DAB1: variants seen among roughly 807,000 people sequenced by gnomAD.
DAB1 encodes disabled homolog 1.
In DAB1, 15 loss-of-function variants were observed where a neutral mutation model predicts 64.6. The ratio of observed to expected loss-of-function variants is 0.23; its 90% confidence interval spans 0.16 to 0.36. DAB1 has a LOEUF of 0.36. Ranked by LOEUF, DAB1 falls within the 10% of genes least tolerant of loss-of-function variation. The probability of loss-of-function intolerance (pLI) is 1.00; values close to 1 mark genes in which losing one functional copy is unlikely to be tolerated. For synonymous variants in DAB1, 235 were observed against 251.9 expected, an observed-to-expected ratio of 0.93 and a Z score of 0.64; for missense variants, 596 against 706.7, an observed-to-expected ratio of 0.84 and a Z score of 1.78.
At chr1:58,465,892 G>C (rs2100320870) in intron 3 of DAB1, among the ~76,000 whole-genome samples, 1 of 152,242 alleles carries the variant, frequency 6.6e-6, no homozygotes, top group Non-Finnish European at 1.5e-5. Flanking sequence ...GTGAAGCTGT[G>C]TCCCTCACCA....
At chr1:57,827,948 G>T (rs1490246702) in intron 1 of DAB1, among the ~76,000 whole-genome samples, 5 of 152,138 alleles carry the variant, frequency 3.3e-5, no homozygotes, top group African/African-American at 1.2e-4. Context: ...ATCTTTGTTT[G>T]TTTGTTTTTG....
At chr1:58,107,260 A>G (rs1651701739) in intron 5 of DAB1, among the ~76,000 whole-genome samples, 1 of 150,154 alleles carries the variant, frequency 6.7e-6, no homozygotes, top group African/African-American at 2.5e-5. Flanking sequence ...GGAGTTTGAG[A>G]TCAGCTTGGC....
intron 1 of DAB1, among the ~76,000 whole-genome samples, chr1:57,391,137 C>T (rs1682317678): frequency 6.6e-6 from 1 of 152,180 alleles, no homozygotes; most frequent in Admixed American, 6.5e-5. Context: ...TAGCACAGTG[C>T]CGCCCTAACT....
intron 1 of DAB1, among the ~76,000 whole-genome samples, chr1:58,543,258 T>A (rs1282349691): frequency 6.6e-6 from 1 of 152,246 alleles, no homozygotes; most frequent in East Asian, 1.9e-4. Flanking sequence ...ACATTTGTTT[T>A]TGTAAATTGA....
chr1:57,168,953 G>A (rs1012676527), intron 2 of DAB1, among the ~76,000 whole-genome samples: 2 of 152,146 alleles, frequency 1.3e-5, no homozygotes, highest in African/African-American at 4.8e-5. Flanking sequence ...CTACTTAGGA[G>A]GCTGAGGCAG....
rs1645568854 is a variant in DAB1, at chr1:58,485,886, C to T, written n.257+20174G>A. On this transcript the variant is annotated intron_variant and non_coding_transcript_variant, in intron 3 of 20. Coordinates refer to the DAB1 transcript ENST00000485760. ...ATGAATAAATCATTATGATAAATGT[C>T]ATAGAGAAAATACTCTTAGGAGTTT... 2.0e-5 allele frequency among the ~76,000 whole-genome samples: 3 copies of T among 152,006 alleles called. No individual in the cohort carries two copies. The South Asian group carries it at 6.2e-4, about 32-fold the overall frequency.
chr1:57,960,515 T>C lies in DAB1; in HGVS notation n.388-76353A>G, dbSNP rs190491114. ...AATTAAAAAAAAAAAAAAGGAAATC[T>C]ATGTGAGTGTTAAATATTTAAAAAA... On this transcript the variant is annotated intron_variant and non_coding_transcript_variant, in intron 5 of 20. Transcript: ENST00000485760. Among the ~76,000 whole-genome samples, 4 of 151,318 alleles carry C rather than the reference T, an allele frequency of 2.6e-5. No individual in the cohort carries two copies. In the East Asian group the frequency reaches 7.8e-4, roughly 29 times the overall value.
At chr1:58,391,726 T>A (rs1157343857) in intron 3 of DAB1, among the ~76,000 whole-genome samples, 1 of 152,114 alleles carries the variant, frequency 6.6e-6, no homozygotes, top group Non-Finnish European at 1.5e-5. Context: ...TGACCCAAAT[T>A]CCCTTGACAT....
At chr1:58,194,766 T>C (rs1657579042) in intron 4 of DAB1, among the ~76,000 whole-genome samples, 1 of 152,160 alleles carries the variant, frequency 6.6e-6, no homozygotes, top group Non-Finnish European at 1.5e-5. Flanking sequence ...CGTTCCATGG[T>C]GTCATTCTAG....
At chr1:57,088,503 T>C (rs564701323) in intron 4 of DAB1, among the ~76,000 whole-genome samples, 2 of 152,312 alleles carry the variant, frequency 1.3e-5, no homozygotes, top group African/African-American at 4.8e-5. Flanking sequence ...CACCTGAAGA[T>C]TGGGCCCATC....
At chr1:57,904,443 G>A (rs907831614) in intron 5 of DAB1, among the ~76,000 whole-genome samples, 2 of 152,138 alleles carry the variant, frequency 1.3e-5, no homozygotes, top group South Asian at 4.1e-4. Flanking sequence ...AGTAAGTGAG[G>A]TCTGTATTCT....
intron 2 of DAB1, among the ~76,000 whole-genome samples, chr1:57,279,509 G>C (rs1671725244): frequency 6.6e-6 from 1 of 152,296 alleles, no homozygotes; most frequent in Non-Finnish European, 1.5e-5. Flanking sequence ...GTCTCGAATA[G>C]ATAGCTGTAT....
intron 2 of DAB1, among the ~76,000 whole-genome samples, chr1:57,218,952 G>C (rs980905044): frequency 6.6e-6 from 1 of 152,080 alleles, no homozygotes; most frequent in Non-Finnish European, 1.5e-5. Context: ...AATTATACAG[G>C]GGGAAGATAA....
At chr1:57,912,676 T>C (rs1000519860) in intron 5 of DAB1, among the ~76,000 whole-genome samples, 3 of 152,182 alleles carry the variant, frequency 2.0e-5, no homozygotes, top group Non-Finnish European at 4.4e-5. Flanking sequence ...GATGACATGA[T>C]TGTATATCTA....
intron 5 of DAB1, among the ~76,000 whole-genome samples, chr1:58,022,016 G>A (rs959645965): frequency 5.3e-5 from 8 of 152,156 alleles, no homozygotes; most frequent in African/African-American, 1.9e-4. Flanking sequence ...GTTGGCAGAA[G>A]GCCTCATCTT....
intron 3 of DAB1, among the ~76,000 whole-genome samples, chr1:58,501,299 AG>A (rs1242247559): frequency 1.3e-5 from 2 of 152,232 alleles, no homozygotes; most frequent in Admixed American, 6.5e-5. Context: ...AAAGCAAGAA[AG>A]GAACTCATCT....
intron 8 of DAB1, among the ~76,000 whole-genome samples, chr1:57,064,044 T>A (rs1650669272): frequency 1.3e-5 from 2 of 152,228 alleles, no homozygotes; most frequent in East Asian, 3.9e-4. Flanking sequence ...AGGCTCTCAG[T>A]AAATGTCTGC....
intron 12 of DAB1, among the ~76,000 whole-genome samples, chr1:57,011,996 G>A (rs1272522257): frequency 2.0e-5 from 3 of 152,174 alleles, no homozygotes; most frequent in Non-Finnish European, 4.4e-5. Context: ...AAGGACAAAG[G>A]ATACGCATTT....
chr1:57,539,493 CAAGG>C (rs1248388691), intron 7 of DAB1, among the ~76,000 whole-genome samples: 10 of 152,110 alleles, frequency 6.6e-5, no homozygotes, highest in African/African-American at 2.4e-4. Flanking sequence ...GTGTAACTGA[CAAGG>C]AAGTGAGAAA....
Sources: gnomAD v4.1 joint callset for allele counts (sites outside exome capture counted in the v4.1 genomes callset) on GRCh38, gnomAD v4.1.1 for gene constraint, MANE v1.5 for transcripts, NCBI Gene and HGNC (gene_info 2026-07-23, HGNC 2026-07-21) for gene names.